Variants in CHMP3 observed in about 807,000 individuals in gnomAD.
The protein encoded by CHMP3 is 25.1 protein.
Under a neutral mutation model 27.4 loss-of-function variants are expected in CHMP3, and 8 were observed. That is an observed-to-expected ratio of 0.29 (90% CI 0.17 to 0.53). CHMP3 has a LOEUF of 0.53. Among genes scored for constraint, CHMP3 ranks in the 20% least tolerant of loss-of-function variants. The pLI is 0.96. For missense variants in CHMP3, 208 were observed against 271.5 expected, an observed-to-expected ratio of 0.77 and a Z score of 1.64; for synonymous variants, 86 against 85.5, an observed-to-expected ratio of 1.01 and a Z score of -0.03.
chr2:86,517,354 C>T (rs1032101541), intron 3 of CHMP3, among the ~76,000 whole-genome samples: 1 of 151,866 alleles, frequency 6.6e-6, no homozygotes, highest in Non-Finnish European at 1.5e-5. Context: ...ATCATGAGGT[C>T]AGGAGATCGA....
chr2:86,559,344 C>T (rs934194395), intron 1 of CHMP3, among the ~76,000 whole-genome samples: 4 of 152,176 alleles, frequency 2.6e-5, no homozygotes, highest in African/African-American at 9.7e-5. Context: ...TGAGCTACAC[C>T]ACTGGCTTCT....
chr2:86,551,025 G>A (rs1360972475), intron 1 of CHMP3, among the ~76,000 whole-genome samples: 1 of 152,066 alleles, frequency 6.6e-6, no homozygotes, highest in African/African-American at 2.4e-5. Flanking sequence ...AAATCTGCAG[G>A]ATAATTTAAG....
At chr2:86,559,508 C>T (rs991741396) in intron 1 of CHMP3, among the ~76,000 whole-genome samples, 2 of 152,228 alleles carry the variant, frequency 1.3e-5, no homozygotes, top group African/African-American at 2.4e-5. Context: ...TACACCATCC[C>T]TGCTTTATTG....
At chr2:86,552,804 G>T (rs12471953) in intron 1 of CHMP3, among the ~76,000 whole-genome samples, 1 of 152,038 alleles carries the variant, frequency 6.6e-6, no homozygotes, top group African/African-American at 2.4e-5. Flanking sequence ...GAAAACACAG[G>T]GGGTAGAGAA....
At chr2:86,559,251 T>C (rs374071942) in intron 1 of CHMP3, among the ~76,000 whole-genome samples, 20 of 152,352 alleles carry the variant, frequency 1.3e-4, no homozygotes, top group African/African-American at 4.6e-4. Flanking sequence ...ACATCAGAAC[T>C]GTAGGTTCTC....
chr2:86,521,117 G>A (rs919718994), intron 3 of CHMP3, among the ~76,000 whole-genome samples: 1 of 151,954 alleles, frequency 6.6e-6, no homozygotes, highest in East Asian at 1.9e-4. Context: ...ACCCCTGTCC[G>A]CAAAACATTG....
intron 3 of CHMP3, among the ~76,000 whole-genome samples, chr2:86,524,717 G>A (rs1202444591): frequency 6.6e-6 from 1 of 152,192 alleles, no homozygotes; most frequent in African/African-American, 2.4e-5. Flanking sequence ...ATTCCCAGAG[G>A]AAAATATAGG....
At position 86,507,230 on chromosome 2, in the gene CHMP3, C is replaced by T. The variant is rs551679729; in HGVS notation, c.523+249G>A. On this transcript the variant is annotated intron_variant, in intron 5 of 5. Coordinates refer to ENST00000263856, the MANE Select transcript of CHMP3 (RefSeq NM_016079.4). ...AGAAAGTCTACACCAGTTTAAAATCCCAACAGCAGTATATGAGAGCAGTAT... is the reference window on the plus strand; with the variant it reads ...AGAAAGTCTACACCAGTTTAAAATCTCAACAGCAGTATATGAGAGCAGTAT... The T allele has an allele frequency of 2.8e-5, 10 of 354,816 alleles. No homozygotes were observed. In the South Asian group the frequency reaches 3.2e-4, roughly 11 times the overall value. The allele number at this position is 354,816 out of a possible 1,614,324, so 22.0% of individuals were successfully genotyped here.
In CHMP3 at chr2:86,531,697, TC is replaced by T. The variant is rs1675929158; in HGVS notation, c.107-2301del. Among the ~76,000 whole-genome samples the T allele has an allele frequency of 3.3e-5, 5 of 152,364 alleles. No individual in the cohort carries two copies. The South Asian group carries it at 1.0e-3, about 32-fold the overall frequency. ...TCTTTTGCATATGGATATCCAGTTT[TC>T]CCAGCACCATTTGCTGAAAACTGTC... On this transcript the variant is annotated intron_variant, in intron 2 of 5. Transcript: ENST00000263856.
At chr2:86,531,628 G>C (rs1165815885) in intron 2 of CHMP3, among the ~76,000 whole-genome samples, 1 of 151,996 alleles carries the variant, frequency 6.6e-6, no homozygotes. Flanking sequence ...GATCCATTTG[G>C]GGTTAGTTTC....
intron 2 of CHMP3, among the ~76,000 whole-genome samples, chr2:86,540,382 T>G (rs879330908): frequency 2.6e-5 from 4 of 152,168 alleles, no homozygotes; most frequent in Admixed American, 2.6e-4. Flanking sequence ...TACTACAGTT[T>G]GGATAATTTG....
chr2:86,545,698 G>A (rs1484052572), intron 1 of CHMP3, among the ~76,000 whole-genome samples: 2 of 150,040 alleles, frequency 1.3e-5, no homozygotes, highest in African/African-American at 4.9e-5. Context: ...CAGATAGGGC[G>A]GCCAGGCAGA....
chr2:86,560,867 G>A (rs1221602265), intron 1 of CHMP3, among the ~76,000 whole-genome samples: 2 of 152,008 alleles, frequency 1.3e-5, no homozygotes, highest in Non-Finnish European at 2.9e-5. Flanking sequence ...AGAGAATGAG[G>A]GAGAAGGTGC....
chr2:86,550,456 G>GGGAGAGGGAGAAAGGGAGAGGGAGAA (rs1676862181), intron 1 of CHMP3, among the ~76,000 whole-genome samples: 1 of 144,466 alleles, frequency 6.9e-6, no homozygotes. Flanking sequence ...GAGAGGGAGA[G>GGGAGAGGGAGAAAGGGAGAGGGAGAA]AGAGAGGGGA....
chr2:86,510,276 C>A, intron 4 of CHMP3, 82 bp downstream of exon 4: 1 of 1,104,620 alleles, frequency 9.1e-7, no homozygotes, highest in Admixed American at 1.9e-5. Flanking sequence ...TCATCCCCAC[C>A]CACCCTCATC....
At position 86,505,387 on chromosome 2, in the gene CHMP3, C is replaced by G. The variant is rs1674850721; in HGVS notation, c.*417G>C. The G allele has an allele frequency of 1.3e-5, 2 of 154,202 alleles. No homozygotes were observed. Among genetic ancestry groups the G allele is most frequent in the Admixed American group, 6.5e-5 (1 of 15,322 alleles). The allele number at this position is 154,202 out of a possible 1,614,324, so 9.6% of individuals were successfully genotyped here. On this transcript the variant is annotated 3_prime_UTR_variant, in exon 6 of 6. Coordinates refer to ENST00000263856, the MANE Select transcript of CHMP3 (RefSeq NM_016079.4). ...CTCTTTCCACACCCAGCAAATGAAGCAATCTGGGGCAGCCGACACCTTGAA... is the reference window on the plus strand; with the variant it reads ...CTCTTTCCACACCCAGCAAATGAAGGAATCTGGGGCAGCCGACACCTTGAA...
At chr2:86,534,963 G>C (rs1387654671) in intron 2 of CHMP3, among the ~76,000 whole-genome samples, 3 of 152,078 alleles carry the variant, frequency 2.0e-5, no homozygotes, top group Non-Finnish European at 4.4e-5. Flanking sequence ...TACATTCAAA[G>C]TAATTACTGT....
rs1434875306 is a variant in CHMP3, at chr2:86,505,183, C to T, written c.*621G>A. ...CTCTAAATAGACCCACATGCACACC[C>T]CAGGACATAATGCAGCCACCAGCCA... is the stretch of plus-strand genomic sequence containing the variant. On this transcript the variant is annotated 3_prime_UTR_variant, in exon 6 of 6. Coordinates refer to ENST00000263856, the MANE Select transcript of CHMP3 (RefSeq NM_016079.4). The T allele has an allele frequency of 1.3e-5, 2 of 152,832 alleles. No individual in the cohort carries two copies. Among genetic ancestry groups the T allele is most frequent in the African/African-American group, 4.8e-5 (2 of 41,428 alleles). The allele number at this position is 152,832 out of a possible 1,614,324, so 9.5% of individuals were successfully genotyped here.
intron 1 of CHMP3, among the ~76,000 whole-genome samples, chr2:86,554,972 G>A (rs1269850160): frequency 5.3e-5 from 8 of 151,772 alleles, no homozygotes; most frequent in African/African-American, 1.7e-4. Context: ...TCAGCCTCCG[G>A]AGTAGCTGGG....
Sources: allele counts gnomAD v4.1 joint callset (sites outside exome capture counted in the v4.1 genomes callset), GRCh38; gene constraint gnomAD v4.1.1; transcripts MANE v1.5; gene names NCBI Gene and HGNC (gene_info 2026-07-23, HGNC 2026-07-21).